ZER1: variants seen among roughly 807,000 people sequenced by gnomAD.
ZER1 encodes protein zer-1 homolog.
ZER1 carries 11 observed loss-of-function variants against 78.8 expected under a neutral mutation model. That is an observed-to-expected ratio of 0.14 (90% CI 0.09 to 0.23). The LOEUF is 0.23. Among genes scored for constraint, ZER1 ranks in the 10% least tolerant of loss-of-function variants. ZER1 has a pLI of 1.00. For synonymous variants in ZER1, 400 were observed against 407.0 expected, an observed-to-expected ratio of 0.98 and a Z score of 0.21; for missense variants, 588 against 996.9, an observed-to-expected ratio of 0.59 and a Z score of 5.52.
intron 1 of ZER1, among the ~76,000 whole-genome samples, chr9:128,770,360 C>A (rs1390902094): frequency 1.3e-5 from 2 of 152,074 alleles, no homozygotes; most frequent in Non-Finnish European, 2.9e-5. Context: ...GAACTCCTGA[C>A]CTCAGGTGAT....
chr9:128,748,023 G>A (rs2132432487), intron 8 of ZER1, among the ~76,000 whole-genome samples: 1 of 152,172 alleles, frequency 6.6e-6, no homozygotes, highest in South Asian at 2.1e-4. Context: ...GGGAAACCAA[G>A]GCAGGAGGAT....
At chr9:128,737,101 A>G (rs1397265601) in intron 13 of ZER1, among the ~76,000 whole-genome samples, 1 of 151,924 alleles carries the variant, frequency 6.6e-6, no homozygotes, top group African/African-American at 2.4e-5. Flanking sequence ...CCAAGATCAC[A>G]CCATTGCACT....
At chr9:128,768,435 G>A (rs1232162310) in intron 1 of ZER1, among the ~76,000 whole-genome samples, 1 of 152,166 alleles carries the variant, frequency 6.6e-6, no homozygotes, top group African/African-American at 2.4e-5. Context: ...GTTAGTCGGA[G>A]GCAAGGGAAG....
chr9:128,737,267 G>C (rs978994609), intron 13 of ZER1, among the ~76,000 whole-genome samples: 3 of 151,940 alleles, frequency 2.0e-5, no homozygotes, highest in Non-Finnish European at 2.9e-5. Context: ...TTCTAGGTGT[G>C]AGCCACCGCA....
chr9:128,748,456 A>G (rs1448796175), intron 8 of ZER1, among the ~76,000 whole-genome samples: 1 of 150,082 alleles, frequency 6.7e-6, no homozygotes, highest in Non-Finnish European at 1.5e-5. Flanking sequence ...TTGTTGTCCC[A>G]GCTACTGGGG....
chr9:128,735,299 A>G, intron 14 of ZER1, 35 bp downstream of exon 14: 4 of 1,576,950 alleles, frequency 2.5e-6, no homozygotes, highest in Non-Finnish European at 3.5e-6. Context: ...TTTCAGCTGG[A>G]TGAGTGTCTG....
At position 128,740,469 on chromosome 9, in the gene ZER1, A is replaced by G. The variant is rs911581018; in HGVS notation, c.1853+303T>C. Among the ~76,000 whole-genome samples the G allele has an allele frequency of 1.3e-5, 2 of 151,750 alleles. No homozygotes were observed. The highest frequency in any genetic ancestry group is 4.8e-5 in the African/African-American group (2 of 41,294). ...GTGGCAGGCGCCTGTAGTCTCAGCTACTCGGGAGGCTGAGGCAGGAGAATG... is the reference window on the plus strand; with the variant it reads ...GTGGCAGGCGCCTGTAGTCTCAGCTGCTCGGGAGGCTGAGGCAGGAGAATG... On this transcript the variant is annotated intron_variant, in intron 12 of 15. Coordinates refer to ENST00000291900, the MANE Select transcript of ZER1 (RefSeq NM_006336.4). The surrounding 1 kb of genome is among the most constrained non-coding windows in gnomAD (Gnocchi z 4.4).
At chr9:128,758,250 C>T (rs1016763202) in intron 1 of ZER1, among the ~76,000 whole-genome samples, 13 of 150,840 alleles carry the variant, frequency 8.6e-5, no homozygotes, top group African/African-American at 3.2e-4. Context: ...CTCCCGAATA[C>T]CTGGGATTAC....
At chr9:128,731,727 C>T (rs573846415) in intron 15 of ZER1, among the ~76,000 whole-genome samples, 26 of 152,306 alleles carry the variant, frequency 1.7e-4, no homozygotes, top group Admixed American at 4.6e-4. Flanking sequence ...GTTTCTTTAG[C>T]GACCTCTTCT....
In ZER1 at chr9:128,731,317, G is replaced by C. The variant is rs1471931435; in HGVS notation, c.*20C>G. ...CCCGCCTGTGGTCCAGAGCGGTGGCGGCCATGGGGACGGAGGCCTCTATCT... is the reference window on the plus strand; with the variant it reads ...CCCGCCTGTGGTCCAGAGCGGTGGCCGCCATGGGGACGGAGGCCTCTATCT... On this transcript the variant is annotated 3_prime_UTR_variant, in exon 16 of 16. Coordinates refer to ENST00000291900, the MANE Select transcript of ZER1 (RefSeq NM_006336.4). The C allele has an allele frequency of 1.9e-6, 3 of 1,611,544 alleles. No homozygotes were observed. The East Asian group carries it at 6.7e-5, about 36-fold the overall frequency.
At chr9:128,738,416 C>G (rs1486178322) in intron 13 of ZER1, among the ~76,000 whole-genome samples, 1 of 150,072 alleles carries the variant, frequency 6.7e-6, no homozygotes, top group Non-Finnish European at 1.5e-5. Context: ...GACGGAGTCT[C>G]GCTCTGTCGC....
At chr9:128,765,802 C>A (rs546861144) in intron 1 of ZER1, among the ~76,000 whole-genome samples, 1 of 151,930 alleles carries the variant, frequency 6.6e-6, no homozygotes, top group South Asian at 2.1e-4. Context: ...TCCAGGTGGT[C>A]GGGAAACAGG....
intron 15 of ZER1, 98 bp from the exon 16 acceptor site, chr9:128,731,492 A>T (rs908842622): frequency 1.0e-6 from 1 of 980,480 alleles, no homozygotes; most frequent in Admixed American, 2.0e-5. Context: ...ACACGTGTTC[A>T]TAGTGATGGT....
intron 1 of ZER1, among the ~76,000 whole-genome samples, chr9:128,771,182 G>A (rs1864372441): frequency 6.6e-6 from 1 of 152,120 alleles, no homozygotes; most frequent in African/African-American, 2.4e-5. Context: ...TGGCCCTCCG[G>A]TTGCAACCTC....
intron 1 of ZER1, among the ~76,000 whole-genome samples, chr9:128,767,767 A>G (rs945722121): frequency 3.9e-5 from 6 of 152,036 alleles, no homozygotes; most frequent in Non-Finnish European, 8.8e-5. Context: ...TCAGGCACTG[A>G]GCTCACATGA....
At position 128,754,484 on chromosome 9, in the gene ZER1, T is replaced by G. The variant is rs1360087650; in HGVS notation, c.159-525A>C. Among the ~76,000 whole-genome samples, 1 of 152,182 alleles carries G rather than the reference T, an allele frequency of 6.6e-6. No homozygotes were observed. Among genetic ancestry groups the G allele is most frequent in the African/African-American group, 2.4e-5 (1 of 41,438 alleles). On this transcript the variant is annotated intron_variant, in intron 2 of 15. Transcript: ENST00000291900. The surrounding 1 kb of genome is among the most constrained non-coding windows in gnomAD (Gnocchi z 4.3). ...CTTGGCTGCTTCCTACCTGGGCAAC[T>G]TCACACAAGTAAATGAACTTTCCCA...
intron 15 of ZER1, 43 bp from the exon 16 acceptor site, chr9:128,731,437 T>TGGGGGGTTTGGGGG: frequency 6.6e-6 from 3 of 451,604 alleles, no homozygotes; most frequent in African/African-American, 2.8e-5. Context: ...TGGGCTTGGG[T>TGGGGGGTTTGGGGG]GGGGGTGAGC....
chr9:128,757,747 G>A (rs990824776), intron 1 of ZER1, among the ~76,000 whole-genome samples: 1 of 152,138 alleles, frequency 6.6e-6, no homozygotes, highest in Non-Finnish European at 1.5e-5. Flanking sequence ...GGAACAGTGG[G>A]AAATCTCCCA....
intron 1 of ZER1, among the ~76,000 whole-genome samples, chr9:128,764,460 A>G (rs1864144865): frequency 6.6e-6 from 1 of 151,956 alleles, no homozygotes; most frequent in Non-Finnish European, 1.5e-5. Flanking sequence ...TGCCCTTACC[A>G]TGCTCCCCAA....
Sources: allele counts gnomAD v4.1 joint callset (sites outside exome capture counted in the v4.1 genomes callset), GRCh38; gene constraint gnomAD v4.1.1; non-coding constraint Gnocchi (gnomAD v3.1); transcripts MANE v1.5; gene names NCBI Gene and HGNC (gene_info 2026-07-23, HGNC 2026-07-21).